SFTPD: variants seen among roughly 807,000 people sequenced by gnomAD.
SFTPD encodes pulmonary surfactant-associated protein D.
A neutral mutation model predicts 34.6 loss-of-function variants in SFTPD; 18 were observed. That is an observed-to-expected ratio of 0.52 (90% confidence interval 0.36 to 0.77). The LOEUF (loss-of-function observed/expected upper bound fraction) is 0.77, where lower values mean the gene tolerates loss of function less well. SFTPD is among the 30% of genes least tolerant of loss of function. The pLI, the probability that SFTPD is intolerant of heterozygous loss-of-function variation, is 0.00. For missense variants in SFTPD, 433 were observed against 468.9 expected (o/e 0.92, Z 0.71); for synonymous variants, 155 against 180.9 (o/e 0.86, Z 1.15).
intron 1 of SFTPD, among the ~76,000 whole-genome samples, chr10:79,960,796 T>C (rs1177597874): frequency 6.6e-6 from 1 of 152,180 alleles, no homozygotes; most frequent in Non-Finnish European, 1.5e-5. Flanking sequence ...AAAAAACTAC[T>C]TTAAAGTTCA....
rs1357557714 is a variant in SFTPD at position 79,944,953 on chromosome 10, G to A, written c.199+1508C>T. On this transcript the variant is annotated intron_variant, in intron 2 of 7. Transcript: ENST00000372292. ...ACAAGCACAGACTTTGGCCCACAGA[G>A]ACCTATTCTGGGTAGATTCTGAGGA... Among the ~76,000 whole-genome samples the A allele has an allele frequency of 2.0e-5, 3 of 152,210 alleles. No individual in the cohort carries two copies. In the East Asian group the frequency reaches 5.8e-4, roughly 29 times the overall value.
chr10:79,957,230 A>G (rs1197788607), intron 1 of SFTPD, among the ~76,000 whole-genome samples: 1 of 152,232 alleles, frequency 6.6e-6, no homozygotes. Context: ...TGGAAACTCT[A>G]AAAAGCAGAG....
At chr10:79,970,887 A>T (rs555368722) in intron 1 of SFTPD, 2 of 152,170 alleles carry the variant, frequency 1.3e-5, no homozygotes, top group African/African-American at 2.4e-5. Context: ...TGCCTAGAAC[A>T]TCATCCAATA....
chr10:79,946,631 A>G lies in SFTPD; in HGVS notation c.29T>C (p.Val10Ala). 1 of 1,614,180 alleles carries G rather than the reference A, an allele frequency of 6.2e-7. No homozygotes were observed. The highest frequency in any genetic ancestry group is 8.5e-7 in the Non-Finnish European group (1 of 1,180,022). MLLFLLSAL[V>A]LLTQPLGYLE... Reference sequence around the variant, plus strand: ...GTAGCCCAGGGGCTGTGTGAGCAGGACCAGTGCAGAGAGGAGGAAGAGCAG... The same window carrying G: ...GTAGCCCAGGGGCTGTGTGAGCAGGGCCAGTGCAGAGAGGAGGAAGAGCAG... Residue 10 changes from valine (V) to alanine (A), a missense_variant, in exon 2 of 8, where the codon GTC becomes GCC. Val to Ala is a moderately conservative substitution (Grantham distance 64). Transcript: ENST00000372292.
intron 1 of SFTPD, among the ~76,000 whole-genome samples, chr10:79,965,550 T>TTA (rs1314136176): frequency 8.4e-6 from 1 of 119,350 alleles, no homozygotes; most frequent in African/African-American, 3.6e-5. Context: ...TTTTTTTTTT[T>TTA]TTAATTTTTT....
intron 3 of SFTPD, 93 bp downstream of exon 3, chr10:79,942,670 C>G: frequency 9.8e-7 from 1 of 1,018,418 alleles, no homozygotes; most frequent in Non-Finnish European, 1.5e-6. Flanking sequence ...AGACAACCTT[C>G]TTCCTGGGAT....
intron 1 of SFTPD, among the ~76,000 whole-genome samples, chr10:79,974,980 G>C (rs938289690): frequency 2.0e-5 from 3 of 152,216 alleles, no homozygotes. Flanking sequence ...CCGAAATAAA[G>C]GGGTGGATCT....
intron 1 of SFTPD, chr10:79,969,796 C>T (rs1414873453): frequency 6.6e-6 from 1 of 152,106 alleles, no homozygotes; most frequent in Non-Finnish European, 1.5e-5. Flanking sequence ...AACCCTTTAT[C>T]AGATGTAGAG....
At chr10:79,975,838 C>T (rs1166695831) in intron 1 of SFTPD, among the ~76,000 whole-genome samples, 1 of 152,226 alleles carries the variant, frequency 6.6e-6, no homozygotes, top group Non-Finnish European at 1.5e-5. Context: ...TCTGGCTAGT[C>T]ATCTGCAGCA....
intron 2 of SFTPD, among the ~76,000 whole-genome samples, chr10:79,943,769 T>A (rs1842639336): frequency 6.6e-6 from 1 of 152,114 alleles, no homozygotes; most frequent in African/African-American, 2.4e-5. Flanking sequence ...CAGTCCTTAT[T>A]AGGGATGAAA....
chr10:79,959,427 A>T (rs555244279), intron 1 of SFTPD, among the ~76,000 whole-genome samples: 28 of 152,336 alleles, frequency 1.8e-4, no homozygotes, highest in African/African-American at 6.7e-4. Context: ...AAGGGAGAAG[A>T]ATCAAATAGA....
At chr10:79,948,682 GTGA>G in intron 1 of SFTPD, among the ~76,000 whole-genome samples, 1 of 152,188 alleles carries the variant, frequency 6.6e-6, no homozygotes, top group African/African-American at 2.4e-5. Flanking sequence ...ACCCCAGCCT[GTGA>G]GTGCCTGGGT....
intron 1 of SFTPD, among the ~76,000 whole-genome samples, chr10:79,956,314 G>C (rs1209304978): frequency 6.6e-6 from 1 of 152,220 alleles, no homozygotes; most frequent in Non-Finnish European, 1.5e-5. Flanking sequence ...GCAGGACAGT[G>C]GGTGCAGCGC....
At chr10:79,980,623 G>C (rs1842885087) in intron 1 of SFTPD, among the ~76,000 whole-genome samples, 1 of 152,232 alleles carries the variant, frequency 6.6e-6, no homozygotes, top group Non-Finnish European at 1.5e-5. Context: ...AGCATGGAGA[G>C]AAAGACTTTG....
chr10:79,981,033 G>C (rs1842887412), intron 1 of SFTPD, among the ~76,000 whole-genome samples: 1 of 152,160 alleles, frequency 6.6e-6, no homozygotes, highest in South Asian at 2.1e-4. Context: ...CTTTTACACA[G>C]AGAATTCAAA....
intron 2 of SFTPD, among the ~76,000 whole-genome samples, chr10:79,943,592 G>A (rs535233125): frequency 2.6e-5 from 4 of 152,312 alleles, no homozygotes; most frequent in Non-Finnish European, 4.4e-5. Flanking sequence ...CCATGCTCCC[G>A]TGGCAGAGGA....
chr10:79,982,306 C>T, intron 1 of SFTPD: 1 of 965,452 alleles, frequency 1.0e-6, no homozygotes, highest in Non-Finnish European at 1.3e-6. Flanking sequence ...CTCAGGTGCC[C>T]AGTGGGCACC....
intron 7 of SFTPD, among the ~76,000 whole-genome samples, chr10:79,940,208 T>C (rs111574309): frequency 2.0e-5 from 3 of 152,218 alleles, no homozygotes; most frequent in Admixed American, 6.5e-5. Context: ...GGGACTCCCA[T>C]ACCTGGCCCC....
intron 1 of SFTPD, chr10:79,970,526 T>C (rs928701268): frequency 6.6e-6 from 1 of 152,198 alleles, no homozygotes. Context: ...TTCATTTTTG[T>C]GATCTCTTCA....
Sources: gnomAD v4.1 joint callset for allele counts (sites outside exome capture counted in the v4.1 genomes callset) on GRCh38, gnomAD v4.1.1 for gene constraint, MANE v1.5 for transcripts, NCBI Gene and HGNC (gene_info 2026-07-23, HGNC 2026-07-21) for gene names.